The following NEO1 variants were observed in gnomAD, a reference collection of about 807,000 sequenced individuals.
NEO1 encodes neogenin 1, also known as neogenin.
NEO1 carries 63 observed loss-of-function variants against 159.7 expected under a neutral mutation model. The observed-to-expected ratio is 0.39, with a 90% confidence interval of 0.32 to 0.49. The LOEUF (loss-of-function observed/expected upper bound fraction) is 0.49, where lower values mean the gene tolerates loss of function less well. Ranked by LOEUF, NEO1 falls within the 20% of genes least tolerant of loss-of-function variation. The pLI is 0.85. For missense variants in NEO1, 1,615 were observed against 1,831.0 expected, an observed-to-expected ratio of 0.88 and a Z score of 2.15; for synonymous variants, 633 against 662.0, an observed-to-expected ratio of 0.96 and a Z score of 0.67.
At chr15:73,069,059 C>G (rs1191607182) in intron 1 of NEO1, among the ~76,000 whole-genome samples, 1 of 150,126 alleles carries the variant, frequency 6.7e-6, no homozygotes, top group Non-Finnish European at 1.5e-5. Flanking sequence ...TTCAAATGAT[C>G]CTCCCCCCTT....
intron 1 of NEO1, among the ~76,000 whole-genome samples, chr15:73,109,288 A>C (rs1447009280): frequency 6.6e-6 from 1 of 152,156 alleles, no homozygotes; most frequent in Non-Finnish European, 1.5e-5. Context: ...AGCAGTGAGG[A>C]ATTTTATACA....
At chr15:73,252,944 C>A (rs372236871) in intron 11 of NEO1, among the ~76,000 whole-genome samples, 1 of 152,130 alleles carries the variant, frequency 6.6e-6, no homozygotes, top group Non-Finnish European at 1.5e-5. Context: ...GAGCCGACAT[C>A]ACGCCATTGT....
chr15:73,234,690 A>G (rs1436391451), intron 7 of NEO1, among the ~76,000 whole-genome samples: 1 of 152,156 alleles, frequency 6.6e-6, no homozygotes, highest in Non-Finnish European at 1.5e-5. Flanking sequence ...ATTATCTTAC[A>G]TTCTTATAAC....
chr15:73,199,225 TG>T (rs934438234), intron 7 of NEO1, among the ~76,000 whole-genome samples: 2 of 151,578 alleles, frequency 1.3e-5, no homozygotes, highest in African/African-American at 4.9e-5. Context: ...TATGGGTTTT[TG>T]AGAGGAAGAC....
chr15:73,215,412 G>A (rs2037819907), intron 7 of NEO1, among the ~76,000 whole-genome samples: 1 of 152,126 alleles, frequency 6.6e-6, no homozygotes, highest in Non-Finnish European at 1.5e-5. Context: ...ATTGGCTGTG[G>A]GTTAGTCACA....
chr15:73,174,659 C>G (rs1305301330), intron 5 of NEO1, among the ~76,000 whole-genome samples: 6 of 152,150 alleles, frequency 3.9e-5, no homozygotes, highest in Non-Finnish European at 8.8e-5. Context: ...AAGTCCATAT[C>G]CACTACTGCA....
At chr15:73,245,895 T>C (rs1490267510) in intron 9 of NEO1, among the ~76,000 whole-genome samples, 1 of 152,160 alleles carries the variant, frequency 6.6e-6, no homozygotes, top group Non-Finnish European at 1.5e-5. Flanking sequence ...CAGTGTATTC[T>C]TCAGTCTAAT....
chr15:73,218,762 C>T (rs1435698559), intron 7 of NEO1, among the ~76,000 whole-genome samples: 2 of 151,836 alleles, frequency 1.3e-5, no homozygotes, highest in East Asian at 1.9e-4. Flanking sequence ...TCTGTGGGAT[C>T]GGTGGTGATA....
chr15:73,143,196 G>GT (rs1456043652), intron 5 of NEO1: 1 of 162,014 alleles, frequency 6.2e-6, no homozygotes, highest in African/African-American at 2.4e-5. Flanking sequence ...TGTGGCAGAT[G>GT]TAAGAACAGG....
At chr15:73,052,303 G>GC (rs1555416712), upstream of NEO1, among the ~76,000 whole-genome samples, 17 of 24,932 alleles carry the variant, frequency 6.8e-4, no homozygotes, top group African/African-American at 2.6e-3. Context: ...CCCGCCCCCC[G>GC]CCCCCGCCCC....
intron 7 of NEO1, among the ~76,000 whole-genome samples, chr15:73,190,454 A>G (rs2036178076): frequency 6.6e-6 from 1 of 152,212 alleles, no homozygotes; most frequent in Non-Finnish European, 1.5e-5. Context: ...TGTTATGGCC[A>G]TAGTAGATAA....
chr15:73,111,810 T>G (rs1337613104), intron 1 of NEO1, among the ~76,000 whole-genome samples: 1 of 152,000 alleles, frequency 6.6e-6, no homozygotes, highest in African/African-American at 2.4e-5. Context: ...TTTGTTTTGT[T>G]TTTTGGTAGA....
chr15:73,060,427 C>A (rs2067922872), intron 1 of NEO1, among the ~76,000 whole-genome samples: 1 of 151,858 alleles, frequency 6.6e-6, no homozygotes, highest in Non-Finnish European at 1.5e-5. Context: ...CCACACCCTG[C>A]TAATTTTTTT....
intron 5 of NEO1, among the ~76,000 whole-genome samples, chr15:73,149,070 A>C (rs191005332): frequency 1.5e-3 from 235 of 152,162 alleles, no homozygotes; most frequent in African/African-American, 5.3e-3. Context: ...TAATCTCAGC[A>C]CTTTGCAAGG....
chr15:73,295,305 C>T (rs1038120247), intron 26 of NEO1, among the ~76,000 whole-genome samples: 1 of 151,764 alleles, frequency 6.6e-6, no homozygotes, highest in Non-Finnish European at 1.5e-5. Flanking sequence ...GACCAGAAAG[C>T]AGCCTCCACA....
At chr15:73,152,233 T>A (rs1475611957) in intron 5 of NEO1, among the ~76,000 whole-genome samples, 1 of 152,234 alleles carries the variant, frequency 6.6e-6, no homozygotes, top group African/African-American at 2.4e-5. Context: ...AGAATCTCTC[T>A]GATCTTCTCC....
At chr15:73,125,955 T>C (rs77354715) in intron 3 of NEO1, among the ~76,000 whole-genome samples, 12 of 152,332 alleles carry the variant, frequency 7.9e-5, no homozygotes, top group East Asian at 5.8e-4. Context: ...TTTGTACACA[T>C]GGCTTTTATC....
At chr15:73,227,804 C>T (rs1349116341) in intron 7 of NEO1, among the ~76,000 whole-genome samples, 1 of 152,160 alleles carries the variant, frequency 6.6e-6, no homozygotes, top group Admixed American at 6.5e-5. Flanking sequence ...CTGTAAAGTT[C>T]CTTCTTGTTA....
intron 13 of NEO1, among the ~76,000 whole-genome samples, chr15:73,257,104 C>G (rs1235291457): frequency 9.0e-6 from 1 of 110,536 alleles, no homozygotes; most frequent in African/African-American, 3.5e-5. Flanking sequence ...TGCACTCTAG[C>G]CTGGGCAACA....
Sources: gnomAD v4.1 joint callset for allele counts (sites outside exome capture counted in the v4.1 genomes callset) on GRCh38, gnomAD v4.1.1 for gene constraint, MANE v1.5 for transcripts, NCBI Gene and HGNC (gene_info 2026-07-23, HGNC 2026-07-21) for gene names.